The following PTPRN2 variants were observed in gnomAD, a reference collection of about 807,000 sequenced individuals.
PTPRN2 encodes the protein receptor-type tyrosine-protein phosphatase N2.
Under a neutral mutation model 118.8 loss-of-function variants are expected in PTPRN2, and 74 were observed. The ratio of observed to expected loss-of-function variants is 0.62; its 90% CI spans 0.52 to 0.76. The LOEUF is 0.76. PTPRN2 is among the 30% of genes least tolerant of loss of function. The pLI, the probability that PTPRN2 is intolerant of heterozygous loss-of-function variation, is 0.00. For synonymous variants in PTPRN2, 641 were observed against 608.0 expected (o/e 1.05, Z -0.80); for missense variants, 1,481 against 1,394.4 (o/e 1.06, Z -0.99).
chr7:157,702,162 C>T (rs1192908437), intron 12 of PTPRN2, among the ~76,000 whole-genome samples: 2 of 141,422 alleles, frequency 1.4e-5, no homozygotes, highest in Admixed American at 7.2e-5. Context: ...GTGTAACTGA[C>T]ACGGGCTGTG....
intron 11 of PTPRN2, among the ~76,000 whole-genome samples, chr7:158,013,713 A>C (rs1806212571): frequency 4.5e-5 from 6 of 134,366 alleles, no homozygotes; most frequent in African/African-American, 1.1e-4. Context: ...CCATCCATCC[A>C]TCCAGCCAGC....
At chr7:158,343,223 G>A (rs543309713) in intron 2 of PTPRN2, among the ~76,000 whole-genome samples, 1 of 152,192 alleles carries the variant, frequency 6.6e-6, no homozygotes, top group Admixed American at 6.5e-5. Flanking sequence ...CAAAAAACCT[G>A]ATTAAAAACG....
At chr7:157,980,780 C>T (rs148408889) in intron 11 of PTPRN2, among the ~76,000 whole-genome samples, 308 of 152,270 alleles carry the variant, frequency 2.0e-3, no homozygotes, top group Non-Finnish European at 3.7e-3. Flanking sequence ...AAAGATACTA[C>T]GTGATTGTAT....
At chr7:158,577,521 A>G (rs1275343306) in intron 1 of PTPRN2, among the ~76,000 whole-genome samples, 1,254 of 69,734 alleles carry the variant, frequency 0.018, no homozygotes, top group Middle Eastern at 0.054. Flanking sequence ...TGATGCCACA[A>G]ACAGCATGGG....
chr7:157,852,369 C>A (rs1399173094), intron 12 of PTPRN2, among the ~76,000 whole-genome samples: 1 of 152,070 alleles, frequency 6.6e-6, no homozygotes, highest in Non-Finnish European at 1.5e-5. Flanking sequence ...ATTTTATTAA[C>A]AAAATTCAGA....
chr7:158,147,965 TGTC>T (rs1820368416), intron 6 of PTPRN2, among the ~76,000 whole-genome samples: 1 of 51,388 alleles, frequency 1.9e-5, no homozygotes, highest in Non-Finnish European at 3.6e-5. Context: ...TCACGCCAGG[TGTC>T]TTTCCCCCTC....
intron 1 of PTPRN2, among the ~76,000 whole-genome samples, chr7:158,572,011 T>C (rs1828070687): frequency 6.6e-6 from 1 of 152,166 alleles, no homozygotes; most frequent in Admixed American, 6.5e-5. Flanking sequence ...AAGAGAAAGG[T>C]GCTAGTGAGC....
At chr7:158,130,734 A>G (rs557645761) in intron 9 of PTPRN2, among the ~76,000 whole-genome samples, 1 of 152,064 alleles carries the variant, frequency 6.6e-6, no homozygotes, top group Admixed American at 6.5e-5. Context: ...GCACATACGC[A>G]CAAACCAATA....
intron 3 of PTPRN2, among the ~76,000 whole-genome samples, chr7:158,214,199 C>T (rs2150773285): frequency 6.6e-6 from 1 of 152,130 alleles, no homozygotes; most frequent in South Asian, 2.1e-4. Flanking sequence ...GGAATCCACT[C>T]CCAGAGATGA....
chr7:158,070,762 G>T (rs1445526565), intron 11 of PTPRN2, among the ~76,000 whole-genome samples: 1 of 127,846 alleles, frequency 7.8e-6, no homozygotes, highest in African/African-American at 3.3e-5. Context: ...CGTGGTGGTG[G>T]AGGTGCTCAT....
intron 5 of PTPRN2, among the ~76,000 whole-genome samples, chr7:158,189,114 C>T (rs1407174603): frequency 6.6e-6 from 1 of 152,212 alleles, no homozygotes; most frequent in Non-Finnish European, 1.5e-5. Flanking sequence ...TGCTCAATAT[C>T]TACCAAAGAC....
intron 11 of PTPRN2, among the ~76,000 whole-genome samples, chr7:157,994,261 C>T (rs994365598): frequency 3.3e-5 from 5 of 152,202 alleles, no homozygotes; most frequent in African/African-American, 9.7e-5. Flanking sequence ...TGGTAACCCG[C>T]CACTGCTTCC....
rs533434355 is a variant in PTPRN2 at position 157,987,673 on chromosome 7, T to C, written c.1724-88936A>G. ...TTGGAATACAGGTTCCTCGGGCCTGTCCTAAATGCTATCAGTCTTTCTCTA... is the reference window on the plus strand; with the variant it reads ...TTGGAATACAGGTTCCTCGGGCCTGCCCTAAATGCTATCAGTCTTTCTCTA... On this transcript the variant is annotated intron_variant, in intron 11 of 22. Transcript: ENST00000389418. This position sits in a 1 kb window ranked among gnomAD's most constrained non-coding sequence, Gnocchi z 4.3. 1.3e-5 allele frequency among the ~76,000 whole-genome samples: 2 copies of C among 152,252 alleles called. No individual in the cohort carries two copies. Among genetic ancestry groups the C allele is most frequent in the East Asian group, 3.9e-4 (2 of 5,184 alleles).
intron 12 of PTPRN2, among the ~76,000 whole-genome samples, chr7:157,789,442 G>A (rs1001142051): frequency 1.3e-5 from 2 of 152,210 alleles, no homozygotes; most frequent in African/African-American, 4.8e-5. Flanking sequence ...GGCTTCATGA[G>A]CCTCAGAAAT....
intron 19 of PTPRN2, 150 bp downstream of exon 19, chr7:157,576,463 T>TCCCG: frequency 1.2e-6 from 1 of 806,274 alleles, no homozygotes; most frequent in East Asian, 2.8e-5. Flanking sequence ...AACGGAGTCT[T>TCCCG]CCCGCCTCTC....
At chr7:158,002,655 G>A (rs1482431988) in intron 11 of PTPRN2, among the ~76,000 whole-genome samples, 1 of 152,194 alleles carries the variant, frequency 6.6e-6, no homozygotes, top group Non-Finnish European at 1.5e-5. Flanking sequence ...CGGGGGTCAG[G>A]GAGCCTGGGA....
chr7:158,414,945 A>G (rs1001014177), intron 2 of PTPRN2, among the ~76,000 whole-genome samples: 1 of 151,752 alleles, frequency 6.6e-6, no homozygotes, highest in African/African-American at 2.4e-5. Context: ...GGAGCTGAGC[A>G]CTCCAGCCAT....
At chr7:158,249,867 C>A (rs770946746) in intron 3 of PTPRN2, among the ~76,000 whole-genome samples, 12 of 152,336 alleles carry the variant, frequency 7.9e-5, no homozygotes, top group African/African-American at 2.9e-4. Flanking sequence ...CAAGACGCCA[C>A]GTCCCTCCCC....
intron 1 of PTPRN2, among the ~76,000 whole-genome samples, chr7:158,557,541 G>A (rs966660326): frequency 6.6e-5 from 10 of 152,238 alleles, no homozygotes; most frequent in African/African-American, 2.4e-4. Flanking sequence ...CACGGCCGCC[G>A]CTCCGCTCAA....
Sources: allele counts gnomAD v4.1 joint callset (sites outside exome capture counted in the v4.1 genomes callset), GRCh38; gene constraint gnomAD v4.1.1; non-coding constraint Gnocchi (gnomAD v3.1); transcripts MANE v1.5; gene names NCBI Gene and HGNC (gene_info 2026-07-23, HGNC 2026-07-21).